The following MTMR12 variants were observed in gnomAD, a reference collection of about 807,000 sequenced individuals.
MTMR12 encodes myotubularin-related protein 12.
MTMR12 carries 33 observed loss-of-function variants against 96.7 expected under a neutral mutation model. That is an observed-to-expected ratio of 0.34 (90% CI 0.26 to 0.46). The LOEUF is 0.46. MTMR12 is among the 20% of genes least tolerant of loss of function. The pLI, the probability that MTMR12 is intolerant of heterozygous loss-of-function variation, is 1.00. For missense variants in MTMR12, 721 were observed against 896.1 expected (o/e 0.80, Z 2.49); for synonymous variants, 298 against 327.2 (o/e 0.91, Z 0.96).
chr5:32,306,571 A>G (rs549069335), intron 1 of MTMR12, among the ~76,000 whole-genome samples: 2 of 152,162 alleles, frequency 1.3e-5, no homozygotes, highest in East Asian at 3.9e-4. Context: ...ATATATATAT[A>G]TTTTTTACTC....
chr5:32,251,087 G>A (rs1441220111), intron 8 of MTMR12, among the ~76,000 whole-genome samples: 4 of 131,148 alleles, frequency 3.0e-5, no homozygotes, highest in African/African-American at 1.2e-4. Context: ...ACGGAGTCTC[G>A]CTCTGTCGCC....
chr5:32,255,672 AG>A lies in MTMR12; in HGVS notation c.789+20del. On this transcript the variant is annotated intron_variant, in intron 8 of 15. Coordinates refer to ENST00000382142, the MANE Select transcript of MTMR12 (RefSeq NM_001040446.3). ...GACCAATGCACAACCCACACCTTTC[AG>A]GGTTCCCAGATGCACTTACTGGTAT... is the stretch of plus-strand genomic sequence containing the variant. 1 of 1,593,546 alleles carries A rather than the reference AG, an allele frequency of 6.3e-7. No individual in the cohort carries two copies. The highest frequency in any genetic ancestry group is 2.2e-5 in the East Asian group (1 of 44,652).
chr5:32,241,196 G>A (rs1271952143), intron 12 of MTMR12, among the ~76,000 whole-genome samples: 1 of 152,122 alleles, frequency 6.6e-6, no homozygotes, highest in African/African-American at 2.4e-5. Flanking sequence ...TTCTGTCACG[G>A]CTGGTTAGGT....
chr5:32,244,364 C>A (rs897654243), intron 10 of MTMR12, among the ~76,000 whole-genome samples: 2 of 150,410 alleles, frequency 1.3e-5, no homozygotes, highest in African/African-American at 2.4e-5. Context: ...CGGAGGTGGG[C>A]GCGTCACCTG....
Position 32,248,201 on chromosome 5 carries a change from T to A in MTMR12, c.897-75A>T, listed in dbSNP as rs541135783. ...CTTAAGGATTTACTACGTGCCACAATCTGTGTTAAGGGCTCAGTAGGCATT... is the reference window on the plus strand; with the variant it reads ...CTTAAGGATTTACTACGTGCCACAAACTGTGTTAAGGGCTCAGTAGGCATT... On this transcript the variant is annotated intron_variant, in intron 9 of 15. Transcript: ENST00000382142. 2.1e-5 allele frequency: 32 copies of A among 1,528,658 alleles called. No homozygotes were observed. The Middle Eastern group carries it at 7.6e-4, about 36-fold the overall frequency. 94.7% of individuals were successfully genotyped at this position (1,528,658 alleles called of 1,614,324 possible).
chr5:32,312,862 C>A lies in MTMR12; in HGVS notation c.-24G>T, dbSNP rs371334457. On this transcript the variant is annotated 5_prime_UTR_variant, in exon 1 of 16. Coordinates refer to ENST00000382142, the MANE Select transcript of MTMR12 (RefSeq NM_001040446.3). The surrounding 1 kb of genome is among the most constrained non-coding windows in gnomAD (Gnocchi z 5.0). ...ATACCGCCGCCCTGGGAAGCAGCGACGCGCGGACGCAGAGGCGGCGGCTCG... is the reference window on the plus strand; with the variant it reads ...ATACCGCCGCCCTGGGAAGCAGCGAAGCGCGGACGCAGAGGCGGCGGCTCG... The A allele has an allele frequency of 9.9e-6, 15 of 1,513,164 alleles. No individual in the cohort carries two copies. The South Asian group carries it at 1.5e-4, about 15-fold the overall frequency. 93.7% of individuals were successfully genotyped at this position (1,513,164 alleles called of 1,614,324 possible).
chr5:32,270,724 TC>T (rs1321464642), intron 5 of MTMR12, 92 bp downstream of exon 5: 1 of 1,373,552 alleles, frequency 7.3e-7, no homozygotes, highest in Non-Finnish European at 9.9e-7. Context: ...AGTGAAAGCC[TC>T]CCCTCAACCT....
intron 1 of MTMR12, among the ~76,000 whole-genome samples, chr5:32,282,289 G>A (rs533769149): frequency 4.6e-5 from 7 of 151,962 alleles, no homozygotes; most frequent in Admixed American, 2.0e-4. Context: ...AGGTGTGGTG[G>A]CGGGTGCCTG....
chr5:32,276,652 T>C, intron 2 of MTMR12, 30 bp downstream of exon 2: 2 of 1,588,578 alleles, frequency 1.3e-6, no homozygotes, highest in Non-Finnish European at 1.7e-6. Flanking sequence ...TTGCCTTGCA[T>C]AGGAGTTACT....
intron 7 of MTMR12, among the ~76,000 whole-genome samples, chr5:32,260,836 C>A (rs1248206214): frequency 6.6e-6 from 1 of 151,610 alleles, no homozygotes; most frequent in African/African-American, 2.4e-5. Flanking sequence ...AAGAGCTCTA[C>A]AAAAATACAA....
intron 1 of MTMR12, among the ~76,000 whole-genome samples, chr5:32,284,317 CAAAAAAAAAAAAAAAAA>C (rs57597487): frequency 4.2e-5 from 2 of 47,276 alleles, no homozygotes; most frequent in Admixed American, 4.5e-4. Flanking sequence ...GACCCTGTCT[CAAAAAAAAAAAAAAAAA>C]AAAAGAATAG....
In MTMR12 at chr5:32,229,451, G is replaced by A. The variant is rs80314841; in HGVS notation, c.*327C>T. On this transcript the variant is annotated 3_prime_UTR_variant, in exon 16 of 16. Coordinates refer to ENST00000382142, the MANE Select transcript of MTMR12 (RefSeq NM_001040446.3). ...GATCTGAAGAAAGTATCAAGTCCAA[G>A]AATATCTTACTGAAGCCCTTTCTGG... is the stretch of plus-strand genomic sequence containing the variant. 2,273 of 208,030 alleles carry A rather than the reference G, an allele frequency of 0.011. 60 individuals carry two copies. Among genetic ancestry groups the A allele is most frequent in the African/African-American group, 0.049 (2,148 of 43,788 alleles). The allele number at this position is 208,030 out of a possible 1,614,324, so 12.9% of individuals were successfully genotyped here.
In MTMR12 at chr5:32,228,567, ATC is replaced by A; in HGVS notation, c.*1209_*1210del. 1 of 126,018 alleles carries A rather than the reference ATC, an allele frequency of 7.9e-6. No homozygotes were observed. The highest frequency in any genetic ancestry group is 7.8e-5 in the Admixed American group (1 of 12,746). 7.8% of individuals were successfully genotyped at this position (126,018 alleles called of 1,614,324 possible). A position where few individuals can be genotyped will look rare whatever the true frequency, so the allele number is the denominator to read the frequency against. ...TATCATATATATGTGATATATATAT[ATC>A]ATATATATATCATATATATGTGATA... On this transcript the variant is annotated 3_prime_UTR_variant, in exon 16 of 16. Coordinates refer to ENST00000382142, the MANE Select transcript of MTMR12 (RefSeq NM_001040446.3).
At chr5:32,250,113 T>C (rs1748858652) in intron 8 of MTMR12, among the ~76,000 whole-genome samples, 1 of 151,982 alleles carries the variant, frequency 6.6e-6, no homozygotes, top group Non-Finnish European at 1.5e-5. Context: ...ACAATCCAGG[T>C]GATATTGTGC....
intron 3 of MTMR12, 54 bp downstream of exon 3, chr5:32,273,926 G>T: frequency 6.2e-7 from 1 of 1,604,864 alleles, no homozygotes; most frequent in Non-Finnish European, 8.5e-7. Context: ...AAAGACAACG[G>T]AACCACAACC....
chr5:32,251,054 C>CTTTTTT (rs1299015165), intron 8 of MTMR12, among the ~76,000 whole-genome samples: 9 of 131,010 alleles, frequency 6.9e-5, no homozygotes, highest in African/African-American at 8.8e-5. Flanking sequence ...AGGTCCCTCT[C>CTTTTTT]TTTTTTTTTT....
intron 2 of MTMR12, among the ~76,000 whole-genome samples, chr5:32,274,838 C>T (rs910434953): frequency 1.6e-4 from 24 of 152,180 alleles, no homozygotes; most frequent in African/African-American, 5.8e-4. Flanking sequence ...GCTGCAGCCC[C>T]TGGAGACAGA....
At chr5:32,271,728 T>G in intron 4 of MTMR12, 105 bp downstream of exon 4, 1 of 615,248 alleles carries the variant, frequency 1.6e-6, no homozygotes, top group Non-Finnish European at 2.5e-6. Context: ...AGATGATATA[T>G]GTGAAAAAAT....
chr5:32,271,658 G>T (rs184654341), intron 4 of MTMR12, among the ~76,000 whole-genome samples, 175 bp downstream of exon 4: 1 of 152,240 alleles, frequency 6.6e-6, no homozygotes, highest in African/African-American at 2.4e-5. Context: ...CTCTAGCTAA[G>T]TGACCTTATA....
Sources: gnomAD v4.1 joint callset for allele counts (sites outside exome capture counted in the v4.1 genomes callset) on GRCh38, gnomAD v4.1.1 for gene constraint, Gnocchi (gnomAD v3.1) non-coding constraint, MANE v1.5 for transcripts, NCBI Gene and HGNC (gene_info 2026-07-23, HGNC 2026-07-21) for gene names.